DDX43: variants seen among roughly 807,000 people sequenced by gnomAD.
DDX43 encodes the protein DEAD-box helicase 43.
Under a neutral mutation model 84.9 loss-of-function variants are expected in DDX43, and 50 were observed. The ratio of observed to expected loss-of-function variants is 0.59; its 90% CI spans 0.47 to 0.75. The LOEUF is 0.75. Ranked by LOEUF, DDX43 falls within the 30% of genes least tolerant of loss-of-function variation. The probability of loss-of-function intolerance (pLI) is 0.00; values close to 1 mark genes in which losing one functional copy is unlikely to be tolerated. For synonymous variants in DDX43, 291 were observed against 266.3 expected (o/e 1.09, Z -0.90); for missense variants, 689 against 798.6 (o/e 0.86, Z 1.65).
At chr6:73,411,359 C>T (rs1385041622) in intron 10 of DDX43, among the ~76,000 whole-genome samples, 1 of 146,432 alleles carries the variant, frequency 6.8e-6, no homozygotes, top group Non-Finnish European at 1.5e-5. Flanking sequence ...GACAGAGTCT[C>T]ACTCTGTCAC....
chr6:73,400,746 G>C (rs1239786053), intron 3 of DDX43, among the ~76,000 whole-genome samples: 2 of 152,104 alleles, frequency 1.3e-5, no homozygotes, highest in African/African-American at 4.8e-5. Context: ...CTTGTCTTCA[G>C]ATTCATGGCT....
In DDX43 at chr6:73,395,079, G is replaced by A. The variant is rs144394531; in HGVS notation, c.174G>A (p.Pro58=). 3 of 1,614,054 alleles carry A rather than the reference G, an allele frequency of 1.9e-6. No individual in the cohort carries two copies. The African/African-American group carries it at 4.0e-5, about 22-fold the overall frequency. The change falls in exon 1 of 17, where the codon CCG becomes CCA. Residue 58 remains proline (P), a synonymous_variant. Transcript: ENST00000370336. The stretch of plus-strand genomic sequence containing the variant: ...GCTGGAGAGGCACCTCTAGGCCCCC[G>A]GAGGCCGTGGCCGCTGGTCACGAGG... The part of the protein sequence containing the change: ...GGRWRGTSRP[P]EAVAAGHEEL...
At chr6:73,414,799 C>T in intron 14 of DDX43, 113 bp downstream of exon 14, 1 of 980,788 alleles carries the variant, frequency 1.0e-6, no homozygotes, top group Non-Finnish European at 1.5e-6. Flanking sequence ...TTTTCAGCTA[C>T]TTCCCAGATT....
chr6:73,395,617 T>TAAA (rs760280152), intron 1 of DDX43, among the ~76,000 whole-genome samples: 7 of 133,636 alleles, frequency 5.2e-5, no homozygotes, highest in African/African-American at 1.9e-4. Flanking sequence ...CCGTCTCAAT[T>TAAA]AAAAAAAAAA....
At position 73,405,710 on chromosome 6, in the gene DDX43, T is replaced by C; in HGVS notation, c.682T>C (p.Leu228=). Reference sequence around the variant, plus strand: ...AAATTTTAATATAACGTGGGATGACTTGAAGGATGGGGAGAAACGACCTAT... The same window carrying C: ...AAATTTTAATATAACGTGGGATGACCTGAAGGATGGGGAGAAACGACCTAT... ...KENFNITWDD[L]KDGEKRPIPN... The change falls in exon 6 of 17, where the codon TTG becomes CTG. Residue 228 remains leucine, a synonymous_variant. Transcript: ENST00000370336. The C allele has an allele frequency of 6.2e-7, 1 of 1,614,078 alleles. No homozygotes were observed. The highest frequency in any genetic ancestry group is 8.5e-7 in the Non-Finnish European group (1 of 1,179,972).
intron 15 of DDX43, among the ~76,000 whole-genome samples, 162 bp from the exon 16 acceptor site, chr6:73,415,951 T>A (rs1174545647): frequency 6.6e-6 from 1 of 152,138 alleles, no homozygotes; most frequent in African/African-American, 2.4e-5. Context: ...AAGCAGCAAA[T>A]TTTATAGCCT....
chr6:73,406,381 T>A lies in DDX43; in HGVS notation c.825T>A (p.Ile275=). 1 of 1,610,718 alleles carries A rather than the reference T, an allele frequency of 6.2e-7. No individual in the cohort carries two copies. The highest frequency in any genetic ancestry group is 8.5e-7 in the Non-Finnish European group (1 of 1,177,512). ...CGTTTCAGTCACAGGCATGGCCCAT[T>A]GTGTTGCAAGGAATAGATCTTATAG... ...PTPIQSQAWP[I]VLQGIDLIGV... Residue 275 remains isoleucine, a synonymous_variant, in exon 7 of 17, where the codon ATT becomes ATA. Coordinates refer to ENST00000370336, the MANE Select transcript of DDX43 (RefSeq NM_018665.3).
Position 73,415,423 on chromosome 6 carries a change from G to T in DDX43, c.1746-74G>T, listed in dbSNP as rs1371101437. 4.7e-5 allele frequency: 51 copies of T among 1,088,234 alleles called. No homozygotes were observed. In the Admixed American group the frequency reaches 1.1e-3, roughly 23 times the overall value. 67.4% of individuals were successfully genotyped at this position (1,088,234 alleles called of 1,614,324 possible). ...AATCTTAATACATTCCAGCTTCTGTGAAAAAGTTTTCATTTGTCTTATTCT... is the reference window on the plus strand; with the variant it reads ...AATCTTAATACATTCCAGCTTCTGTTAAAAAGTTTTCATTTGTCTTATTCT... On this transcript the variant is annotated intron_variant, in intron 14 of 16. Coordinates refer to ENST00000370336, the MANE Select transcript of DDX43 (RefSeq NM_018665.3).
intron 2 of DDX43, among the ~76,000 whole-genome samples, chr6:73,398,383 C>G (rs1377049699): frequency 6.6e-6 from 1 of 152,120 alleles, no homozygotes; most frequent in Non-Finnish European, 1.5e-5. Flanking sequence ...TCTGGAGTAG[C>G]TGGGATTACA....
rs751146932 is a variant in DDX43 at position 73,408,081 on chromosome 6, C to T, written c.1159C>T (p.Leu387=). ...NDLQMSNFVN[L]KNITYLVLDE... ...TCTGCAAATGAGTAACTTCGTCAAT[C>T]TGAAGAATATAACCTACTTGGTAAT... Residue 387 remains leucine (L), a synonymous_variant, in exon 9 of 17, where the codon CTG becomes TTG. Transcript: ENST00000370336. The T allele has an allele frequency of 7.4e-6, 12 of 1,613,856 alleles. No homozygotes were observed. The highest frequency in any genetic ancestry group is 1.6e-4 in the Middle Eastern group (1 of 6,084).
In DDX43 at chr6:73,405,672, T is replaced by G. The variant is rs1334129318; in HGVS notation, c.651-7T>G. On this transcript the variant is annotated splice_polypyrimidine_tract_variant and splice_region_variant and intron_variant, in intron 5 of 16. Coordinates refer to ENST00000370336, the MANE Select transcript of DDX43 (RefSeq NM_018665.3). ...GGAAAGCCACTGATGTTTTTTATTC[T>G]TTGAAGGAAAGAAAATTTTAATATA... The G allele has an allele frequency of 6.2e-7, 1 of 1,611,598 alleles. No homozygotes were observed. Among genetic ancestry groups the G allele is most frequent in the African/African-American group, 1.3e-5 (1 of 74,700 alleles).
intron 10 of DDX43, among the ~76,000 whole-genome samples, chr6:73,410,122 C>G (rs1054596097): frequency 6.6e-6 from 1 of 151,924 alleles, no homozygotes; most frequent in African/African-American, 2.4e-5. Flanking sequence ...TACAAAATCC[C>G]CTCACATAGT....
At chr6:73,402,473 A>C (rs1769596265) in intron 4 of DDX43, among the ~76,000 whole-genome samples, 1 of 152,216 alleles carries the variant, frequency 6.6e-6, no homozygotes, top group Non-Finnish European at 1.5e-5. Flanking sequence ...AGATCTCACT[A>C]TCCTGTCCAG....
intron 3 of DDX43, 51 bp from the exon 4 acceptor site, chr6:73,401,801 CAAAAAAA>C: frequency 4.3e-5 from 47 of 1,086,602 alleles, no homozygotes; most frequent in East Asian, 7.2e-5. Context: ...GACTCCATCT[CAAAAAAA>C]AAAAAAAAAA....
Position 73,416,262 on chromosome 6 carries a change from A to G in DDX43, c.*25+11A>G. 1 of 1,087,222 alleles carries G rather than the reference A, an allele frequency of 9.2e-7. No homozygotes were observed. The allele number at this position is 1,087,222 out of a possible 1,614,324, so 67.3% of individuals were successfully genotyped here. A position where few individuals can be genotyped will look rare whatever the true frequency, so the allele number is the denominator to read the frequency against. ...ACTAGTGGGGTAGAGGTAAAAGTTC[A>G]ATAACATATGGACTTTAAAATGCCT... On this transcript the variant is annotated intron_variant, in intron 16 of 16. Transcript: ENST00000370336.
At chr6:73,414,459 GATTAA>G in intron 13 of DDX43, 84 bp from the exon 14 acceptor site, 1 of 1,108,356 alleles carries the variant, frequency 9.0e-7, no homozygotes, top group Middle Eastern at 2.9e-4. Flanking sequence ...AAATAAAATT[GATTAA>G]ATTAGTTAGG....
chr6:73,414,458 TG>T lies in DDX43; in HGVS notation c.1607-89del, dbSNP rs1210932666. The stretch of plus-strand genomic sequence containing the variant: ...TAATGTAAACAGTAAGAAATAAAAT[TG>T]ATTAAATTAGTTAGGGCAAATATTA... On this transcript the variant is annotated intron_variant, in intron 13 of 16. Transcript: ENST00000370336. 6.3e-6 allele frequency: 7 copies of T among 1,103,390 alleles called. No homozygotes were observed. In the African/African-American group the frequency reaches 1.1e-4, roughly 17 times the overall value. 68.3% of individuals were successfully genotyped at this position (1,103,390 alleles called of 1,614,324 possible).
At chr6:73,406,092 C>G (rs985252769) in intron 6 of DDX43, among the ~76,000 whole-genome samples, 3 of 150,642 alleles carry the variant, frequency 2.0e-5, no homozygotes, top group African/African-American at 7.3e-5. Context: ...GGTGCAATCT[C>G]GGCTCACCAC....
At chr6:73,412,131 G>A in intron 10 of DDX43, 74 bp from the exon 11 acceptor site, 2 of 1,319,998 alleles carry the variant, frequency 1.5e-6, no homozygotes, top group Non-Finnish European at 2.1e-6. Context: ...GAGTAACTTG[G>A]TTCATAGCAT....
Sources: gnomAD v4.1 joint callset for allele counts (sites outside exome capture counted in the v4.1 genomes callset) on GRCh38, gnomAD v4.1.1 for gene constraint, MANE v1.5 for transcripts, NCBI Gene and HGNC (gene_info 2026-07-23, HGNC 2026-07-21) for gene names.